SRPK1: variants seen among roughly 807,000 people sequenced by gnomAD.
The protein encoded by SRPK1 is SRSF protein kinase 1.
A neutral mutation model predicts 89.5 loss-of-function variants in SRPK1; 52 were observed. The ratio of observed to expected loss-of-function variants is 0.58; its 90% CI spans 0.46 to 0.73. SRPK1 has a LOEUF of 0.73. Among genes scored for constraint, SRPK1 ranks in the 30% least tolerant of loss-of-function variants. The probability of loss-of-function intolerance (pLI) is 0.00; values close to 1 mark genes in which losing one functional copy is unlikely to be tolerated. For synonymous variants in SRPK1, 255 were observed against 270.2 expected (o/e 0.94, Z 0.55); for missense variants, 603 against 780.6 (o/e 0.77, Z 2.71).
intron 6 of SRPK1, among the ~76,000 whole-genome samples, chr6:35,882,995 G>C: frequency 6.6e-6 from 1 of 152,172 alleles, no homozygotes; most frequent in East Asian, 1.9e-4. Context: ...TTTTAGTAGA[G>C]ATGGGGTTTC....
chr6:35,836,656 G>A (rs1769185146), intron 15 of SRPK1, among the ~76,000 whole-genome samples: 2 of 151,974 alleles, frequency 1.3e-5, no homozygotes, highest in Non-Finnish European at 2.9e-5. Context: ...TTGGGAGGTT[G>A]AGGCAGGAGG....
rs573313924 is a variant in SRPK1 at position 35,888,874 on chromosome 6, A to G, written c.243T>C (p.His81=). ...GTCCCCAGCCTAACTTTCGGATCAC[A>G]TGGTATCTCCCATTGAATAGATCTC... ...KIGDLFNGRY[H]VIRKLGWGHF... The change falls in exon 4 of 16, where the codon CAT becomes CAC. Residue 81 remains histidine (H), a synonymous_variant. Coordinates refer to ENST00000373825, the MANE Select transcript of SRPK1 (RefSeq NM_003137.5). 5.0e-6 allele frequency: 8 copies of G among 1,613,520 alleles called. No homozygotes were observed. The African/African-American group carries it at 6.7e-5, about 13-fold the overall frequency.
chr6:35,874,491 C>A (rs1770111847), intron 6 of SRPK1, among the ~76,000 whole-genome samples, 152 bp from the exon 7 acceptor site: 1 of 152,110 alleles, frequency 6.6e-6, no homozygotes, highest in African/African-American at 2.4e-5. Flanking sequence ...TGTTAATATT[C>A]TAAAATTTCA....
chr6:35,847,932 AT>A (rs1769460388), intron 13 of SRPK1, among the ~76,000 whole-genome samples: 1 of 151,578 alleles, frequency 6.6e-6, no homozygotes, highest in African/African-American at 2.4e-5. Flanking sequence ...GCCTCAGGTG[AT>A]TCTCCCACCT....
At chr6:35,911,286 G>C (rs1414900717) in intron 2 of SRPK1, among the ~76,000 whole-genome samples, 1 of 152,192 alleles carries the variant, frequency 6.6e-6, no homozygotes, top group East Asian at 1.9e-4. Context: ...CAAGACTTCT[G>C]TGGAGGAAGT....
intron 3 of SRPK1, among the ~76,000 whole-genome samples, chr6:35,889,526 G>A (rs566740943): frequency 2.9e-4 from 44 of 152,250 alleles, no homozygotes; most frequent in Non-Finnish European, 5.3e-4. Context: ...GCTCACGCGT[G>A]TAATCCCAGC....
chr6:35,906,493 G>A (rs1180346379), intron 2 of SRPK1, among the ~76,000 whole-genome samples: 2 of 152,200 alleles, frequency 1.3e-5, no homozygotes, highest in African/African-American at 4.8e-5. Flanking sequence ...CCAAAGTGCT[G>A]AGATTACAGA....
At chr6:35,879,081 T>C (rs550334634) in intron 6 of SRPK1, among the ~76,000 whole-genome samples, 17 of 152,102 alleles carry the variant, frequency 1.1e-4, no homozygotes, top group Admixed American at 9.2e-4. Flanking sequence ...ACAGAGACTC[T>C]TGTCTCTAAA....
rs1769134832 is a variant in SRPK1, at chr6:35,834,524, A to C, written c.*780T>G. 1 of 152,200 alleles carries C rather than the reference A, an allele frequency of 6.6e-6. No homozygotes were observed. The highest frequency in any genetic ancestry group is 1.5e-5 in the Non-Finnish European group (1 of 68,052). The allele number at this position is 152,200 out of a possible 1,614,324, so 9.4% of individuals were successfully genotyped here. A position where few individuals can be genotyped will look rare whatever the true frequency, so the allele number is the denominator to read the frequency against. On this transcript the variant is annotated 3_prime_UTR_variant, in exon 16 of 16. Coordinates refer to ENST00000373825, the MANE Select transcript of SRPK1 (RefSeq NM_003137.5). ...ACAAAAACAAAAAATAAAACAAAAC[A>C]ACCAACCAAAATAACTCTGGTCTTA...
chr6:35,845,912 G>A (rs1351351366), intron 13 of SRPK1, among the ~76,000 whole-genome samples: 1 of 152,144 alleles, frequency 6.6e-6, no homozygotes, highest in Non-Finnish European at 1.5e-5. Context: ...AAAGGCTGAA[G>A]TGCTGGAAAT....
intron 2 of SRPK1, among the ~76,000 whole-genome samples, chr6:35,909,811 C>T (rs750232676): frequency 3.4e-4 from 52 of 152,172 alleles, no homozygotes; most frequent in Non-Finnish European, 6.3e-4. Context: ...GAAGAAGATG[C>T]CTGCTTCCCC....
rs1417053535 is a variant in SRPK1, at chr6:35,869,823, T to C, written c.1070A>G (p.Asn357Ser). The C allele has an allele frequency of 1.9e-6, 3 of 1,612,546 alleles. No homozygotes were observed. Among genetic ancestry groups the C allele is most frequent in the African/African-American group, 1.3e-5 (1 of 75,008 alleles). Residue 357 changes from asparagine (N) to serine (S), a missense_variant, in exon 11 of 16, where the codon AAT becomes AGT. By Grantham distance (46) the Asn-to-Ser change is conservative. Transcript: ENST00000373825. ...ATAATTAATGACTTCAATCACTCCA[T>C]TGCAATTAATTTCTGCTGCACCACC... is the stretch of plus-strand genomic sequence containing the variant. ...TEGGAAEINC[N>S]GVIEVINYTQ... is the part of the protein sequence containing the mutation.
chr6:35,856,424 C>G (rs1769667985), intron 13 of SRPK1, among the ~76,000 whole-genome samples: 2 of 152,294 alleles, frequency 1.3e-5, no homozygotes, highest in Admixed American at 6.5e-5. Context: ...ATTAGAAGTG[C>G]AGGTGGCTTG....
rs769726012 is a variant in SRPK1 at position 35,869,623 on chromosome 6, T to C, written c.1270A>G (p.Thr424Ala). The C allele has an allele frequency of 5.3e-5, 86 of 1,613,910 alleles. No homozygotes were observed. Among genetic ancestry groups the C allele is most frequent in the Admixed American group, 1.7e-4 (10 of 59,996 alleles). Residue 424 changes from threonine (T) to alanine (A), a missense_variant, in exon 11 of 16, where the codon ACC becomes GCC. Coordinates refer to ENST00000373825, the MANE Select transcript of SRPK1 (RefSeq NM_003137.5). Reference sequence around the variant, plus strand: ...GTTGAGGAAGACTGGCACACCATGGTGTCTGACACCTCAGATGTTATAGGT... The same window carrying C: ...GTTGAGGAAGACTGGCACACCATGGCGTCTGACACCTCAGATGTTATAGGT... ...CTPITSEVSD[T>A]MVCQSSSTVG...
chr6:35,895,198 C>T (rs1256941893), intron 2 of SRPK1, among the ~76,000 whole-genome samples: 1 of 152,112 alleles, frequency 6.6e-6, no homozygotes, highest in Non-Finnish European at 1.5e-5. Context: ...GCACAAGACA[C>T]AGTCAAAATA....
Position 35,904,477 on chromosome 6 carries a change from C to A in SRPK1, c.75-13464G>T, listed in dbSNP as rs1447799923. On this transcript the variant is annotated intron_variant, in intron 2 of 15. Transcript: ENST00000373825. ...ACTACAGGCTGCAAGCTGAATCCTG[C>A]CTGTAAACAAAAGTATACAATGGTT... 2.6e-5 allele frequency among the ~76,000 whole-genome samples: 4 copies of A among 152,142 alleles called. No homozygotes were observed. In the East Asian group the frequency reaches 7.7e-4, roughly 29 times the overall value.
At chr6:35,846,105 TAG>T (rs1769420738) in intron 13 of SRPK1, among the ~76,000 whole-genome samples, 1 of 152,020 alleles carries the variant, frequency 6.6e-6, no homozygotes, top group African/African-American at 2.4e-5. Flanking sequence ...CAATGGTATA[TAG>T]AGTTTCAGTT....
intron 12 of SRPK1, among the ~76,000 whole-genome samples, chr6:35,866,461 T>C (rs1769907245): frequency 6.6e-6 from 1 of 152,054 alleles, no homozygotes; most frequent in Admixed American, 6.6e-5. Context: ...GGCACGTGCC[T>C]GTAGTCCCAG....
chr6:35,875,332 T>C (rs1582010938), intron 6 of SRPK1, among the ~76,000 whole-genome samples: 1 of 151,200 alleles, frequency 6.6e-6, no homozygotes, highest in South Asian at 2.1e-4. Flanking sequence ...CTCAGCTCAC[T>C]GCAACCTCTG....
Sources: gnomAD v4.1 joint callset for allele counts (sites outside exome capture counted in the v4.1 genomes callset) on GRCh38, gnomAD v4.1.1 for gene constraint, MANE v1.5 for transcripts, NCBI Gene and HGNC (gene_info 2026-07-23, HGNC 2026-07-21) for gene names.